The following ANXA5 variants were observed in gnomAD, a reference collection of about 807,000 sequenced individuals.
The protein encoded by ANXA5 is CBP-I.
ANXA5 carries 40 observed loss-of-function variants against 48.1 expected under a neutral mutation model. The observed-to-expected ratio is 0.83, with a 90% CI of 0.65 to 1.08. ANXA5 has a LOEUF of 1.08. ANXA5 is among the 50% of genes least tolerant of loss of function. The probability of loss-of-function intolerance (pLI) is 0.00; values close to 1 mark genes in which losing one functional copy is unlikely to be tolerated. For missense variants in ANXA5, 357 were observed against 376.8 expected, an observed-to-expected ratio of 0.95 and a Z score of 0.44; for synonymous variants, 113 against 129.1, an observed-to-expected ratio of 0.88 and a Z score of 0.85.
intron 8 of ANXA5, 27 bp downstream of exon 8, chr4:121,677,867 A>G: frequency 6.3e-7 from 1 of 1,583,272 alleles, no homozygotes; most frequent in Non-Finnish European, 8.7e-7. Context: ...CAGCATAATA[A>G]AGTCATCATA....
chr4:121,673,753 T>C (rs1028260919), intron 8 of ANXA5, among the ~76,000 whole-genome samples: 28 of 152,204 alleles, frequency 1.8e-4, no homozygotes, highest in African/African-American at 6.8e-4. Context: ...CTGAAAGTCA[T>C]GCATGCATCT....
chr4:121,696,393 G>A (rs1481547793), intron 2 of ANXA5, among the ~76,000 whole-genome samples, 188 bp downstream of exon 2: 1 of 152,060 alleles, frequency 6.6e-6, no homozygotes, highest in Non-Finnish European at 1.5e-5. Flanking sequence ...GCGCTCAGCG[G>A]GAAGAACCGG....
At chr4:121,680,977 G>A (rs1264855042) in intron 6 of ANXA5, among the ~76,000 whole-genome samples, 1 of 152,170 alleles carries the variant, frequency 6.6e-6, no homozygotes, top group East Asian at 1.9e-4. Flanking sequence ...TAGGCTTGGA[G>A]TCTGTTGACT....
In ANXA5 at chr4:121,680,284, T is replaced by C. The variant is rs1219959191; in HGVS notation, c.394+1387A>G. ...GTGTGTGTCTGTGTTTGTGTGTGTGTGTGTACGTATTCTTTATCTATTCAT... is the reference window on the plus strand; with the variant it reads ...GTGTGTGTCTGTGTTTGTGTGTGTGCGTGTACGTATTCTTTATCTATTCAT... On this transcript the variant is annotated intron_variant, in intron 6 of 12. Transcript: ENST00000296511. Among the ~76,000 whole-genome samples, 5 of 152,262 alleles carry C rather than the reference T, an allele frequency of 3.3e-5. No individual in the cohort carries two copies. The East Asian group carries it at 9.7e-4, about 29-fold the overall frequency.
intron 2 of ANXA5, among the ~76,000 whole-genome samples, chr4:121,690,722 G>A (rs1202479705): frequency 2.0e-5 from 3 of 152,156 alleles, no homozygotes; most frequent in African/African-American, 4.8e-5. Context: ...GAGACTGAAG[G>A]AAATTAGGTG....
Position 121,672,628 on chromosome 4 carries a change from T to G in ANXA5, c.532-2A>C, listed in dbSNP as rs1294170707. The G allele has an allele frequency of 6.2e-7, 1 of 1,610,936 alleles. No individual in the cohort carries two copies. The highest frequency in any genetic ancestry group is 8.5e-7 in the Non-Finnish European group (1 of 1,177,642). On this transcript the variant is annotated splice_acceptor_variant, in intron 8 of 12. Transcript: ENST00000296511. LOFTEE classifies it high-confidence loss of function. Reference sequence around the variant, plus strand: ...AAGTTCTCCAGCCTGAAATAAAGCCTGCAAAAATTTCAAACTCAATTAATA... The same window carrying G: ...AAGTTCTCCAGCCTGAAATAAAGCCGGCAAAAATTTCAAACTCAATTAATA...
chr4:121,675,449 T>G (rs1409406996), intron 8 of ANXA5, among the ~76,000 whole-genome samples: 1 of 152,252 alleles, frequency 6.6e-6, no homozygotes, highest in African/African-American at 2.4e-5. Context: ...TGTGTTCCTT[T>G]TTATAATGCC....
intron 10 of ANXA5, 149 bp from the exon 11 acceptor site, chr4:121,670,161 T>C (rs1224312146): frequency 3.4e-6 from 2 of 584,232 alleles, no homozygotes; most frequent in African/African-American, 3.9e-5. Flanking sequence ...GCTAATCTGA[T>C]TTCCTCACTC....
At chr4:121,695,822 C>A (rs1725069642) in intron 2 of ANXA5, among the ~76,000 whole-genome samples, 1 of 151,816 alleles carries the variant, frequency 6.6e-6, no homozygotes, top group African/African-American at 2.4e-5. Context: ...ATTGCTTGAA[C>A]CCGGGAGGCA....
At chr4:121,674,468 T>C (rs1425567189) in intron 8 of ANXA5, among the ~76,000 whole-genome samples, 1 of 152,180 alleles carries the variant, frequency 6.6e-6, no homozygotes, top group Non-Finnish European at 1.5e-5. Flanking sequence ...CATTAACACC[T>C]AAATGGGTAA....
chr4:121,683,292 T>C, intron 5 of ANXA5, 72 bp downstream of exon 5: 2 of 882,888 alleles, frequency 2.3e-6, no homozygotes, highest in Admixed American at 2.9e-5. Context: ...ATATAACAAA[T>C]AAGAGGAAGT....
intron 5 of ANXA5, among the ~76,000 whole-genome samples, chr4:121,682,316 C>G (rs1045910273): frequency 2.0e-5 from 3 of 152,060 alleles, no homozygotes; most frequent in African/African-American, 7.2e-5. Context: ...TTGGGACTTG[C>G]TTTCTGGATT....
intron 6 of ANXA5, among the ~76,000 whole-genome samples, chr4:121,680,267 C>G (rs35031093): frequency 0.23 from 34,534 of 151,626 alleles, 4,330 homozygotes; most frequent in Non-Finnish European, 0.29. Context: ...GTGTGTGTGT[C>G]TGTGTTTGTG....
At chr4:121,671,504 A>T (rs751780419) in intron 10 of ANXA5, 43 bp downstream of exon 10, 1 of 1,413,814 alleles carries the variant, frequency 7.1e-7, no homozygotes, top group Non-Finnish European at 1.0e-6. Context: ...AAAATGCTTT[A>T]GCTCTTACCA....
intron 5 of ANXA5, among the ~76,000 whole-genome samples, chr4:121,682,471 A>AT (rs918945264): frequency 9.2e-5 from 14 of 152,020 alleles, no homozygotes; most frequent in Non-Finnish European, 2.1e-4. Flanking sequence ...TTATATTTCT[A>AT]TTTTTTGCCA....
At chr4:121,695,106 G>C (rs913754434) in intron 2 of ANXA5, among the ~76,000 whole-genome samples, 3 of 152,276 alleles carry the variant, frequency 2.0e-5, no homozygotes, top group Non-Finnish European at 2.9e-5. Context: ...ATTATTATTC[G>C]ATGCTTGTTA....
intron 2 of ANXA5, among the ~76,000 whole-genome samples, chr4:121,694,283 T>C (rs1725040842): frequency 9.9e-6 from 1 of 101,452 alleles, no homozygotes; most frequent in Non-Finnish European, 2.0e-5. Context: ...AAATAAAAAA[T>C]AAACAAAAAA....
At chr4:121,686,428 A>G in intron 2 of ANXA5, 56 bp from the exon 3 acceptor site, 1 of 1,324,778 alleles carries the variant, frequency 7.5e-7, no homozygotes, top group Non-Finnish European at 1.1e-6. Flanking sequence ...GACAAAGTAA[A>G]TAACACAAAC....
chr4:121,688,293 T>C (rs1343687370), intron 2 of ANXA5, among the ~76,000 whole-genome samples: 1 of 152,132 alleles, frequency 6.6e-6, no homozygotes, highest in Non-Finnish European at 1.5e-5. Context: ...TAAGGCACCC[T>C]CTATATCTGA....
Sources: allele counts gnomAD v4.1 joint callset (sites outside exome capture counted in the v4.1 genomes callset), GRCh38; gene constraint gnomAD v4.1.1; transcripts MANE v1.5; gene names NCBI Gene and HGNC (gene_info 2026-07-23, HGNC 2026-07-21).